Variants in KPNA6 observed in about 807,000 individuals in gnomAD.
KPNA6 encodes karyopherin subunit alpha 6.
A neutral mutation model predicts 72.0 loss-of-function variants in KPNA6; 9 were observed. The ratio of observed to expected loss-of-function variants is 0.13; its 90% CI spans 0.08 to 0.22. The LOEUF (loss-of-function observed/expected upper bound fraction) is 0.22. Ranked by LOEUF, KPNA6 falls within the 10% of genes least tolerant of loss-of-function variation. KPNA6 has a pLI of 1.00. For missense variants in KPNA6, 374 were observed against 655.7 expected (o/e 0.57, Z 4.69); for synonymous variants, 219 against 242.1 (o/e 0.90, Z 0.89).
At position 32,164,726 on chromosome 1, in the gene KPNA6, T is replaced by C. The variant is rs989446367; in HGVS notation, c.991-1379T>C. On this transcript the variant is annotated intron_variant, in intron 10 of 13. Coordinates refer to ENST00000373625, the MANE Select transcript of KPNA6 (RefSeq NM_012316.5). ...TTTTGGACACATGTCTATTCAAGTC[T>C]TTTGCTCATGTTTTAATTGGGTTGT... 2.0e-5 allele frequency among the ~76,000 whole-genome samples: 3 copies of C among 151,836 alleles called. No individual in the cohort carries two copies. In the East Asian group the frequency reaches 5.8e-4, roughly 29 times the overall value.
chr1:32,169,605 C>T (rs1457101069), intron 12 of KPNA6, among the ~76,000 whole-genome samples: 1 of 149,576 alleles, frequency 6.7e-6, no homozygotes, highest in Non-Finnish European at 1.5e-5. Context: ...CGCCACCACA[C>T]CTGGCCAATT....
At chr1:32,137,365 G>T (rs918421889) in intron 1 of KPNA6, among the ~76,000 whole-genome samples, 8 of 152,018 alleles carry the variant, frequency 5.3e-5, no homozygotes, top group Non-Finnish European at 1.2e-4. Context: ...TTCAGAGACG[G>T]TTTTGCTAGG....
At chr1:32,108,243 G>A in intron 1 of KPNA6, 109 bp downstream of exon 1, 1 of 1,491,534 alleles carries the variant, frequency 6.7e-7, no homozygotes, top group South Asian at 1.1e-5. Flanking sequence ...ATCCCCTCTA[G>A]CTAGGTCTGA....
chr1:32,117,491 T>TTA (rs1641348982), intron 1 of KPNA6, among the ~76,000 whole-genome samples: 2 of 149,762 alleles, frequency 1.3e-5, no homozygotes, highest in South Asian at 4.2e-4. Context: ...TTTTTTTTTT[T>TTA]AAAAAAAACA....
At position 32,156,893 on chromosome 1, in the gene KPNA6, C is replaced by T; in HGVS notation, c.179C>T (p.Ala60Val). 1 of 1,614,110 alleles carries T rather than the reference C, an allele frequency of 6.2e-7. No individual in the cohort carries two copies. Among genetic ancestry groups the T allele is most frequent in the Non-Finnish European group, 8.5e-7 (1 of 1,179,994 alleles). The change falls in exon 3 of 14, where the codon GCT becomes GTT. Residue 60 changes from alanine to valine, a missense_variant. This residue lies in a region of KPNA6 where 298 missense variants were observed against 495.4 expected (regional missense o/e 0.60). Coordinates refer to ENST00000373625, the MANE Select transcript of KPNA6 (RefSeq NM_012316.5). ...RRNVELINEE[A>V]AMFDSLLMDS... ...AATGTGGAGCTGATTAATGAAGAAG[C>T]TGCCATGTTCGATAGTCTTCTCATG...
chr1:32,131,829 T>A (rs1570015023), intron 1 of KPNA6, among the ~76,000 whole-genome samples: 1 of 151,826 alleles, frequency 6.6e-6, no homozygotes, highest in Non-Finnish European at 1.5e-5. Flanking sequence ...CCTTTTTTTC[T>A]TCTAATTTTC....
chr1:32,111,688 GC>G (rs1641245204), intron 1 of KPNA6, among the ~76,000 whole-genome samples: 1 of 152,132 alleles, frequency 6.6e-6, no homozygotes, highest in Admixed American at 6.6e-5. Flanking sequence ...GCCTTCACAT[GC>G]CCACAAGTAC....
At chr1:32,130,039 TAA>T in intron 1 of KPNA6, among the ~76,000 whole-genome samples, 1 of 152,170 alleles carries the variant, frequency 6.6e-6, no homozygotes, top group East Asian at 1.9e-4. Flanking sequence ...TGCCTACCTC[TAA>T]AATGAGAATT....
intron 2 of KPNA6, 75 bp downstream of exon 2, chr1:32,154,796 C>T (rs753351896): frequency 1.3e-6 from 2 of 1,496,790 alleles, no homozygotes; most frequent in South Asian, 1.2e-5. Flanking sequence ...ACCATGCACC[C>T]TGACTTGCCC....
intron 1 of KPNA6, among the ~76,000 whole-genome samples, chr1:32,112,724 C>A (rs968120874): frequency 8.5e-5 from 13 of 152,164 alleles, no homozygotes; most frequent in African/African-American, 3.1e-4. Flanking sequence ...AACTCCTGAC[C>A]TCATGATCTG....
intron 12 of KPNA6, among the ~76,000 whole-genome samples, chr1:32,167,595 CAG>C (rs1349512782): frequency 1.3e-5 from 2 of 152,062 alleles, no homozygotes; most frequent in Non-Finnish European, 2.9e-5. Flanking sequence ...TCTTATCCAA[CAG>C]AGAACTGAAA....
chr1:32,134,553 G>T (rs957916703), intron 1 of KPNA6, among the ~76,000 whole-genome samples: 1 of 151,168 alleles, frequency 6.6e-6, no homozygotes, highest in Non-Finnish European at 1.5e-5. Context: ...CAGGAGAATC[G>T]CTAGAACCCG....
intron 1 of KPNA6, among the ~76,000 whole-genome samples, chr1:32,123,009 T>G (rs1641462032): frequency 6.6e-6 from 1 of 150,674 alleles, no homozygotes; most frequent in African/African-American, 2.4e-5. Context: ...GGCAGTTTGA[T>G]GAGGCTCTTA....
Position 32,159,517 on chromosome 1 carries a change from G to T in KPNA6, c.544G>T (p.Asp182Tyr). 1 of 1,613,990 alleles carries T rather than the reference G, an allele frequency of 6.2e-7. No homozygotes were observed. The highest frequency in any genetic ancestry group is 8.5e-7 in the Non-Finnish European group (1 of 1,179,936). ...FIELLNSDFE[D>Y]VQEQAVWALG... The stretch of plus-strand genomic sequence containing the variant: ...AGAGCTGCTTAATTCAGACTTTGAG[G>T]ATGTTCAGGAACAGGTAATGCTTAG... The change falls in exon 6 of 14, where the codon GAT becomes TAT. Residue 182 changes from aspartate (D) to tyrosine (Y), a missense_variant. This residue lies in a region of KPNA6 where 298 missense variants were observed against 495.4 expected (regional missense o/e 0.60). Coordinates refer to ENST00000373625, the MANE Select transcript of KPNA6 (RefSeq NM_012316.5).
chr1:32,160,025 G>A (rs1032681270), intron 6 of KPNA6, among the ~76,000 whole-genome samples: 5 of 152,162 alleles, frequency 3.3e-5, no homozygotes, highest in African/African-American at 4.8e-5. Context: ...TTCGCCAGGC[G>A]CGGTGGCTCA....
chr1:32,170,430 T>C (rs974556476), intron 13 of KPNA6, among the ~76,000 whole-genome samples: 9 of 152,188 alleles, frequency 5.9e-5, no homozygotes, highest in African/African-American at 1.9e-4. Flanking sequence ...TCATCACTCA[T>C]CCCTGAGAGG....
In KPNA6 at chr1:32,172,753, A is replaced by T. The variant is rs1305992241; in HGVS notation, c.*1859A>T. 1 of 196,432 alleles carries T rather than the reference A, an allele frequency of 5.1e-6. No homozygotes were observed. The highest frequency in any genetic ancestry group is 9.9e-6 in the Non-Finnish European group (1 of 100,682). 12.2% of individuals were successfully genotyped at this position (196,432 alleles called of 1,614,324 possible). A position where few individuals can be genotyped will look rare whatever the true frequency, so the allele number is the denominator to read the frequency against. On this transcript the variant is annotated 3_prime_UTR_variant, in exon 14 of 14. Coordinates refer to ENST00000373625, the MANE Select transcript of KPNA6 (RefSeq NM_012316.5). Reference sequence around the variant, plus strand: ...TGGAGCTGAAGGCACAGTCTGCCCCACCCCCACCTCCCCACTGTGGTTAGT... The same window carrying T: ...TGGAGCTGAAGGCACAGTCTGCCCCTCCCCCACCTCCCCACTGTGGTTAGT...
intron 1 of KPNA6, among the ~76,000 whole-genome samples, chr1:32,119,118 C>A (rs1229290021): frequency 1.4e-5 from 2 of 148,010 alleles, no homozygotes; most frequent in Non-Finnish European, 3.0e-5. Context: ...GCAACCTCCA[C>A]CTCCTGGGTT....
At chr1:32,121,455 C>T (rs1404500709) in intron 1 of KPNA6, among the ~76,000 whole-genome samples, 2 of 152,138 alleles carry the variant, frequency 1.3e-5, no homozygotes, top group African/African-American at 4.8e-5. Flanking sequence ...ATGTAGAAGT[C>T]TGGAGCTCAA....
Sources: gnomAD v4.1 joint callset for allele counts (sites outside exome capture counted in the v4.1 genomes callset) on GRCh38, gnomAD v4.1.1 for gene constraint, gnomAD v4.1.1 regional missense constraint, MANE v1.5 for transcripts, NCBI Gene and HGNC (gene_info 2026-07-23, HGNC 2026-07-21) for gene names.